The following ZPBP variants were observed in gnomAD, a reference collection of about 807,000 sequenced individuals.
ZPBP encodes the protein zona pellucida-binding protein 1.
Under a neutral mutation model 44.8 loss-of-function variants are expected in ZPBP, and 26 were observed. The observed-to-expected ratio is 0.58, with a 90% CI of 0.43 to 0.81. The LOEUF (loss-of-function observed/expected upper bound fraction) is 0.81, where lower values mean the gene tolerates loss of function less well. Among genes scored for constraint, ZPBP ranks in the 30% least tolerant of loss-of-function variants. ZPBP has a pLI of 0.00. For missense variants in ZPBP, 409 were observed against 434.0 expected (o/e 0.94, Z 0.51); for synonymous variants, 174 against 153.2 (o/e 1.14, Z -1.00).
chr7:49,974,513 G>T (rs2128772130), intron 7 of ZPBP, among the ~76,000 whole-genome samples: 1 of 152,118 alleles, frequency 6.6e-6, no homozygotes, highest in East Asian at 1.9e-4. Context: ...ACATAATAAT[G>T]ATGGCAATGA....
intron 3 of ZPBP, among the ~76,000 whole-genome samples, chr7:50,075,893 A>T (rs1325445802): frequency 1.3e-5 from 2 of 151,952 alleles, no homozygotes; most frequent in Non-Finnish European, 2.9e-5. Flanking sequence ...ATATTTCCAA[A>T]CTTATTTTAC....
At chr7:50,024,404 C>T (rs1349709394) in intron 5 of ZPBP, among the ~76,000 whole-genome samples, 1 of 151,770 alleles carries the variant, frequency 6.6e-6, no homozygotes, top group South Asian at 2.1e-4. Context: ...ATGGAAATAA[C>T]CTAAGTGTTC....
At chr7:50,032,852 A>C (rs907667754) in intron 4 of ZPBP, among the ~76,000 whole-genome samples, 1 of 152,208 alleles carries the variant, frequency 6.6e-6, no homozygotes, top group African/African-American at 2.4e-5. Context: ...AAGTATCTTC[A>C]AGATGATTCA....
chr7:49,980,262 A>G (rs1187144775), intron 7 of ZPBP, among the ~76,000 whole-genome samples: 1 of 121,846 alleles, frequency 8.2e-6, no homozygotes, highest in Non-Finnish European at 1.6e-5. Flanking sequence ...TAATACATAT[A>G]ATATAAATAT....
intron 3 of ZPBP, 52 bp from the exon 4 acceptor site, chr7:50,058,193 C>T (rs1463251959): frequency 1.3e-6 from 2 of 1,580,856 alleles, no homozygotes; most frequent in Non-Finnish European, 8.7e-7. Flanking sequence ...GAGACAAGTA[C>T]CAAAACATTT....
chr7:49,952,273 A>G (rs577962286), intron 7 of ZPBP, among the ~76,000 whole-genome samples: 1 of 152,118 alleles, frequency 6.6e-6, no homozygotes, highest in South Asian at 2.1e-4. Flanking sequence ...CTGTGGACCA[A>G]TATAAATTGG....
At position 49,937,453 on chromosome 7, in the gene ZPBP, T is replaced by C; in HGVS notation, c.*75A>G. The C allele has an allele frequency of 8.8e-7, 1 of 1,133,308 alleles. No individual in the cohort carries two copies. The highest frequency in any genetic ancestry group is 2.5e-5 in the East Asian group (1 of 39,656). 70.2% of individuals were successfully genotyped at this position (1,133,308 alleles called of 1,614,324 possible). On this transcript the variant is annotated 3_prime_UTR_variant, in exon 8 of 8. Coordinates refer to ENST00000046087, the MANE Select transcript of ZPBP (RefSeq NM_007009.3). ...TTGTAAAATATGATTAATTTTGGCA[T>C]AATAATTTATTATGTTAATATTTCA...
chr7:50,059,813 A>C (rs1801157147), intron 3 of ZPBP, among the ~76,000 whole-genome samples: 1 of 152,124 alleles, frequency 6.6e-6, no homozygotes, highest in Admixed American at 6.6e-5. Flanking sequence ...AATCTGTAAT[A>C]AAATGCCCCC....
intron 3 of ZPBP, among the ~76,000 whole-genome samples, chr7:50,081,424 A>C (rs965239579): frequency 1.3e-5 from 2 of 151,792 alleles, no homozygotes; most frequent in Admixed American, 6.6e-5. Context: ...ATAAAAGTAA[A>C]AAGTAAAATC....
chr7:50,010,431 T>G (rs1286938735), intron 6 of ZPBP, among the ~76,000 whole-genome samples: 2 of 151,118 alleles, frequency 1.3e-5, no homozygotes, highest in Non-Finnish European at 3.0e-5. Context: ...AAAAAAAAAG[T>G]AAAATAATCT....
intron 3 of ZPBP, among the ~76,000 whole-genome samples, chr7:50,061,678 T>C (rs1272850786): frequency 3.9e-5 from 6 of 152,232 alleles, no homozygotes; most frequent in African/African-American, 7.2e-5. Context: ...GAACAAACAC[T>C]GCCACTTTAA....
intron 4 of ZPBP, among the ~76,000 whole-genome samples, chr7:50,057,712 C>A: frequency 6.6e-6 from 1 of 152,138 alleles, no homozygotes; most frequent in Admixed American, 6.5e-5. Context: ...ATAATATCAT[C>A]ATAATAATTT....
At chr7:50,046,028 C>T (rs955807227) in intron 4 of ZPBP, among the ~76,000 whole-genome samples, 1 of 152,038 alleles carries the variant, frequency 6.6e-6, no homozygotes, top group African/African-American at 2.4e-5. Flanking sequence ...ACAAAACTGA[C>T]AAAAACAAGC....
intron 2 of ZPBP, among the ~76,000 whole-genome samples, chr7:49,851,629 G>C (rs979451205): frequency 3.3e-5 from 5 of 152,224 alleles, no homozygotes; most frequent in Admixed American, 2.0e-4. Context: ...GGAGGCCGAG[G>C]CGGGTGGATC....
At chr7:50,032,147 C>A (rs1799634341) in intron 4 of ZPBP, among the ~76,000 whole-genome samples, 1 of 152,100 alleles carries the variant, frequency 6.6e-6, no homozygotes, top group African/African-American at 2.4e-5. Flanking sequence ...GAGTAGAGAC[C>A]AGACAGCTTC....
chr7:50,013,601 G>T (rs1357382561), intron 6 of ZPBP, among the ~76,000 whole-genome samples: 1 of 151,786 alleles, frequency 6.6e-6, no homozygotes, highest in Non-Finnish European at 1.5e-5. Flanking sequence ...GTAAAGAGAT[G>T]AAAAAATAAT....
intron 1 of ZPBP, among the ~76,000 whole-genome samples, chr7:49,929,489 T>C (rs1323761679): frequency 1.3e-5 from 2 of 152,106 alleles, no homozygotes; most frequent in African/African-American, 4.8e-5. Context: ...ATGCAAGGAA[T>C]AAGGAAGACA....
chr7:50,019,852 G>C lies in ZPBP; in HGVS notation c.707-1536C>G, dbSNP rs1401076155. Among the ~76,000 whole-genome samples the C allele has an allele frequency of 3.9e-5, 6 of 152,130 alleles. No individual in the cohort carries two copies. In the South Asian group the frequency reaches 6.2e-4, roughly 16 times the overall value. The stretch of plus-strand genomic sequence containing the variant: ...AGACAGAGGTCCAACTAGGGTCACA[G>C]ACTTGGGGGAGAAAAGGTTTTATTT... On this transcript the variant is annotated intron_variant, in intron 5 of 7. Coordinates refer to ENST00000046087, the MANE Select transcript of ZPBP (RefSeq NM_007009.3).
chr7:49,995,661 A>T (rs1797794083), intron 6 of ZPBP, among the ~76,000 whole-genome samples: 1 of 152,204 alleles, frequency 6.6e-6, no homozygotes, highest in Non-Finnish European at 1.5e-5. Context: ...TTTTCCTGTG[A>T]TATATATACA....
Sources: allele counts gnomAD v4.1 joint callset (sites outside exome capture counted in the v4.1 genomes callset), GRCh38; gene constraint gnomAD v4.1.1; transcripts MANE v1.5; gene names NCBI Gene and HGNC (gene_info 2026-07-23, HGNC 2026-07-21).